The following B3GLCT variants were observed in gnomAD, a reference collection of about 807,000 sequenced individuals.
B3GLCT encodes the protein beta 3-glucosyltransferase.
In B3GLCT, 65 loss-of-function variants were observed where a neutral mutation model predicts 63.4. The ratio of observed to expected loss-of-function variants is 1.03; its 90% CI spans 0.84 to 1.26. The LOEUF (loss-of-function observed/expected upper bound fraction) is 1.26, where lower values mean the gene tolerates loss of function less well. Among genes scored for constraint, B3GLCT ranks in the 50% most tolerant of loss-of-function variants. The pLI is 0.00. For synonymous variants in B3GLCT, 233 were observed against 219.2 expected (o/e 1.06, Z -0.55); for missense variants, 577 against 604.8 (o/e 0.95, Z 0.48).
At chr13:31,268,582 G>T (rs1872439051) in intron 7 of B3GLCT, among the ~76,000 whole-genome samples, 2 of 152,178 alleles carry the variant, frequency 1.3e-5, no homozygotes, top group African/African-American at 4.8e-5. Context: ...GTTGGGTACA[G>T]GCACTCTAGG....
At chr13:31,225,049 A>G (rs1395233345) in intron 3 of B3GLCT, among the ~76,000 whole-genome samples, 2 of 152,066 alleles carry the variant, frequency 1.3e-5, no homozygotes, top group South Asian at 2.1e-4. Flanking sequence ...ACTGTCTGCC[A>G]CTCACCATTG....
chr13:31,217,120 T>G (rs538527426), intron 2 of B3GLCT, among the ~76,000 whole-genome samples: 34 of 152,370 alleles, frequency 2.2e-4, no homozygotes, highest in Non-Finnish European at 7.3e-5. Context: ...TTTTTGACTT[T>G]TTAATAGTAA....
At chr13:31,202,472 T>C (rs1012627692) in intron 1 of B3GLCT, among the ~76,000 whole-genome samples, 5 of 152,242 alleles carry the variant, frequency 3.3e-5, no homozygotes, top group Non-Finnish European at 7.3e-5. Flanking sequence ...TTTAACATAC[T>C]GATCCCGTTG....
At position 31,229,347 on chromosome 13, in the gene B3GLCT, G is replaced by A; in HGVS notation, c.270+53G>A. 2.8e-6 allele frequency: 3 copies of A among 1,083,956 alleles called. No individual in the cohort carries two copies. In the South Asian group the frequency reaches 3.7e-5, roughly 14 times the overall value. 67.1% of individuals were successfully genotyped at this position (1,083,956 alleles called of 1,614,324 possible). A position where few individuals can be genotyped will look rare whatever the true frequency, so the allele number is the denominator to read the frequency against. On this transcript the variant is annotated intron_variant, in intron 4 of 14. Transcript: ENST00000343307. ...CAGTTATGTATTTCTTGATTACCTT[G>A]ATGTTTTCCAAAACACTGGATCCGT...
chr13:31,207,117 T>A (rs573885979), intron 1 of B3GLCT, among the ~76,000 whole-genome samples: 50 of 152,212 alleles, frequency 3.3e-4, no homozygotes, highest in Admixed American at 1.8e-3. Context: ...TATGTCTGTT[T>A]ATCCATCTAC....
At chr13:31,247,131 G>C (rs1375509566) in intron 5 of B3GLCT, 32 bp downstream of exon 5, 1 of 1,517,320 alleles carries the variant, frequency 6.6e-7, no homozygotes, top group Non-Finnish European at 9.2e-7. Flanking sequence ...GTGAATTACT[G>C]ACATTCCTAC....
intron 8 of B3GLCT, 71 bp downstream of exon 8, chr13:31,269,348 T>A (rs186497818): frequency 2.6e-6 from 3 of 1,152,816 alleles, no homozygotes; most frequent in Admixed American, 3.5e-5. Flanking sequence ...AAAAGGTATT[T>A]TGCATTCCCT....
At chr13:31,314,804 G>A (rs569206943) in intron 12 of B3GLCT, among the ~76,000 whole-genome samples, 17 of 152,270 alleles carry the variant, frequency 1.1e-4, no homozygotes, top group Middle Eastern at 3.4e-3. Flanking sequence ...GGCTGTGTCC[G>A]CACCTAAATC....
At position 31,284,821 on chromosome 13, in the gene B3GLCT, A is replaced by G. The variant is rs780534914; in HGVS notation, c.964+60A>G. ...CATTGCCATTCTGTAAATACAGTAA[A>G]TTAGGTTAGGATAAAAATGAAATGT... On this transcript the variant is annotated intron_variant, in intron 11 of 14. Coordinates refer to ENST00000343307, the MANE Select transcript of B3GLCT (RefSeq NM_194318.4). The G allele has an allele frequency of 9.1e-6, 9 of 993,364 alleles. No homozygotes were observed. In the Admixed American group the frequency reaches 1.0e-4, roughly 12 times the overall value. The allele number at this position is 993,364 out of a possible 1,614,324, so 61.5% of individuals were successfully genotyped here.
chr13:31,308,361 C>CAAAAAAAAAAAAA (rs77115717), intron 12 of B3GLCT, among the ~76,000 whole-genome samples: 1 of 65,628 alleles, frequency 1.5e-5, no homozygotes, highest in Non-Finnish European at 2.9e-5. Context: ...AAAAAAAAAA[C>CAAAAAAAAAAAAA]AAAAAAAAAA....
chr13:31,316,591 C>T (rs1875045219), intron 12 of B3GLCT, among the ~76,000 whole-genome samples: 1 of 151,158 alleles, frequency 6.6e-6, no homozygotes, highest in Non-Finnish European at 1.5e-5. Flanking sequence ...TGGCCATTTT[C>T]TCACATTTGG....
chr13:31,210,438 G>T (rs2137737256), intron 1 of B3GLCT, among the ~76,000 whole-genome samples: 1 of 152,302 alleles, frequency 6.6e-6, no homozygotes, highest in African/African-American at 2.4e-5. Flanking sequence ...AGCCACTCCT[G>T]TGTACCCCTT....
At chr13:31,266,309 T>C (rs1477259173) in intron 7 of B3GLCT, among the ~76,000 whole-genome samples, 2 of 152,100 alleles carry the variant, frequency 1.3e-5, no homozygotes, top group African/African-American at 4.8e-5. Flanking sequence ...ATTACAGGCA[T>C]GAGCCACCAC....
At chr13:31,294,522 C>T (rs1482561749) in intron 12 of B3GLCT, among the ~76,000 whole-genome samples, 3 of 152,164 alleles carry the variant, frequency 2.0e-5, no homozygotes, top group East Asian at 3.8e-4. Context: ...ATTCTTTTTT[C>T]TCTAATCTTG....
chr13:31,320,287 A>G (rs1174620085), intron 13 of B3GLCT, among the ~76,000 whole-genome samples: 6 of 152,200 alleles, frequency 3.9e-5, no homozygotes, highest in Non-Finnish European at 1.5e-5. Context: ...ACAAGAGTCA[A>G]GTTGATCTGG....
intron 7 of B3GLCT, among the ~76,000 whole-genome samples, chr13:31,268,903 A>G (rs932351554): frequency 1.3e-5 from 2 of 152,062 alleles, no homozygotes; most frequent in African/African-American, 2.4e-5. Context: ...CTCTGTCATT[A>G]TTTAGTGTAA....
intron 4 of B3GLCT, among the ~76,000 whole-genome samples, chr13:31,229,811 A>ATT (rs959699989): frequency 6.6e-4 from 97 of 147,976 alleles, no homozygotes; most frequent in Admixed American, 4.1e-3. Context: ...CATATTCTGA[A>ATT]TTTTTTTTTG....
chr13:31,331,538 A>C lies in B3GLCT; in HGVS notation c.*1870A>C, dbSNP rs1257610214. On this transcript the variant is annotated 3_prime_UTR_variant, in exon 15 of 15. Coordinates refer to ENST00000343307, the MANE Select transcript of B3GLCT (RefSeq NM_194318.4). Reference sequence around the variant, plus strand: ...CTTTGCCTAAGTTTTTGATTTCTCAAATATTGTGTTCATTAGTCTAGACTG... The same window carrying C: ...CTTTGCCTAAGTTTTTGATTTCTCACATATTGTGTTCATTAGTCTAGACTG... 5 of 151,834 alleles carry C rather than the reference A, an allele frequency of 3.3e-5. No individual in the cohort carries two copies. The highest frequency in any genetic ancestry group is 7.4e-5 in the Non-Finnish European group (5 of 67,986). The allele number at this position is 151,834 out of a possible 1,614,324, so 9.4% of individuals were successfully genotyped here.
At chr13:31,211,769 C>T (rs1420619547) in intron 1 of B3GLCT, among the ~76,000 whole-genome samples, 1 of 152,086 alleles carries the variant, frequency 6.6e-6, no homozygotes, top group Non-Finnish European at 1.5e-5. Flanking sequence ...GTATGTAATT[C>T]CTACTTTAAA....
Sources: allele counts gnomAD v4.1 joint callset (sites outside exome capture counted in the v4.1 genomes callset), GRCh38; gene constraint gnomAD v4.1.1; transcripts MANE v1.5; gene names NCBI Gene and HGNC (gene_info 2026-07-23, HGNC 2026-07-21).